Variants in ADGRE1 observed in about 807,000 individuals in gnomAD.
ADGRE1 encodes the protein adhesion G protein-coupled receptor E1.
In ADGRE1, 82 loss-of-function variants were observed where a neutral mutation model predicts 102.7. That is an observed-to-expected ratio of 0.80 (90% confidence interval 0.67 to 0.96). The LOEUF (loss-of-function observed/expected upper bound fraction) is 0.96, where lower values mean the gene tolerates loss of function less well. ADGRE1 is among the 40% of genes least tolerant of loss of function. The probability of loss-of-function intolerance (pLI) is 0.00; values close to 1 mark genes in which losing one functional copy is unlikely to be tolerated. For missense variants in ADGRE1, 1,032 were observed against 1,085.3 expected (o/e 0.95, Z 0.69); for synonymous variants, 398 against 399.6 (o/e 1.00, Z 0.05).
Position 6,924,691 on chromosome 19 carries a change from T to G in ADGRE1, c.1805T>G (p.Leu602Trp). 1.2e-6 allele frequency: 2 copies of G among 1,613,976 alleles called. No homozygotes were observed. Among genetic ancestry groups the G allele is most frequent in the Non-Finnish European group, 1.7e-6 (2 of 1,179,898 alleles). The change falls in exon 15 of 21, where the codon TTG (leucine) becomes TGG (tryptophan). Residue 602 changes from leucine to tryptophan, a missense_variant. Leu to Trp is a moderately conservative substitution (Grantham distance 61). Coordinates refer to ENST00000312053, the MANE Select transcript of ADGRE1 (RefSeq NM_001974.5). ...CCTTCCTGACAGATGGACTTTTCCT[T>G]GTACATCATTAGCCATGTAGGCATT... ...ASGELTMDFS[L>W]YIISHVGIII... is the part of the protein sequence containing the mutation.
At position 6,924,757 on chromosome 19, in the gene ADGRE1, T is replaced by C; in HGVS notation, c.1871T>C (p.Phe624Ser). The change falls in exon 15 of 21, where the codon TTT becomes TCT. Residue 624 changes from phenylalanine to serine, a missense_variant. By Grantham distance (155) the Phe-to-Ser change is radical. Coordinates refer to ENST00000312053, the MANE Select transcript of ADGRE1 (RefSeq NM_001974.5). ...TGCCTCGTCTTGGCCATCGCCACCTTTCTGCTGTGTCGCTCCATCCGAAAT... is the reference window on the plus strand; with the variant it reads ...TGCCTCGTCTTGGCCATCGCCACCTCTCTGCTGTGTCGCTCCATCCGAAAT... ...LVCLVLAIAT[F>S]LLCRSIRNHN... The C allele has an allele frequency of 6.2e-7, 1 of 1,614,200 alleles. No individual in the cohort carries two copies. Among genetic ancestry groups the C allele is most frequent in the Admixed American group, 1.7e-5 (1 of 60,020 alleles).
intron 2 of ADGRE1, among the ~76,000 whole-genome samples, chr19:6,893,794 AACTT>A (rs1427639178): frequency 6.6e-6 from 1 of 152,250 alleles, no homozygotes; most frequent in East Asian, 1.9e-4. Context: ...AAACAAAAAA[AACTT>A]ACCTATCATT....
chr19:6,908,915 C>T (rs1295440630), intron 10 of ADGRE1, 143 bp downstream of exon 10: 1 of 708,260 alleles, frequency 1.4e-6, no homozygotes, highest in African/African-American at 1.8e-5. Context: ...AGATGAATCA[C>T]TTGAGGTCAG....
At position 6,937,381 on chromosome 19, in the gene ADGRE1, C is replaced by A. The variant is rs1975459902; in HGVS notation, c.2520C>A (p.Ile840=). The A allele has an allele frequency of 3.1e-6, 5 of 1,613,948 alleles. No homozygotes were observed. The highest frequency in any genetic ancestry group is 4.2e-6 in the Non-Finnish European group (5 of 1,179,988). Residue 840 remains isoleucine (I), a synonymous_variant, in exon 19 of 21, where the codon ATC becomes ATA. Coordinates refer to ENST00000312053, the MANE Select transcript of ADGRE1 (RefSeq NM_001974.5). ...TCAACAGCCTGCAGGGGGCCTTCAT[C>A]TTCCTCATCCACTGTCTGCTCAACG... ...TIINSLQGAF[I]FLIHCLLNGQ...
In ADGRE1 at chr19:6,919,766, A is replaced by G; in HGVS notation, c.1620+19A>G. The stretch of plus-strand genomic sequence containing the variant: ...CATTCAGGTTTGTGAAGAGGTCTCT[A>G]CTGAGATTCTTGTCTACCTGTTGGG... On this transcript the variant is annotated intron_variant, in intron 13 of 20. Coordinates refer to ENST00000312053, the MANE Select transcript of ADGRE1 (RefSeq NM_001974.5). The G allele has an allele frequency of 2.5e-6, 4 of 1,608,992 alleles. No individual in the cohort carries two copies. Among genetic ancestry groups the G allele is most frequent in the Non-Finnish European group, 3.4e-6 (4 of 1,175,728 alleles).
At chr19:6,931,364 T>G (rs1433143455) in intron 17 of ADGRE1, among the ~76,000 whole-genome samples, 1 of 152,146 alleles carries the variant, frequency 6.6e-6, no homozygotes, top group Non-Finnish European at 1.5e-5. Context: ...GCATGCTGGG[T>G]GGCTTAGAAC....
intron 2 of ADGRE1, among the ~76,000 whole-genome samples, chr19:6,894,604 G>T (rs1349695214): frequency 6.6e-6 from 1 of 152,184 alleles, no homozygotes; most frequent in African/African-American, 2.4e-5. Flanking sequence ...ATGTGGTTGG[G>T]TCTGGTCACT....
At chr19:6,902,584 G>A (rs373187999) in intron 6 of ADGRE1, among the ~76,000 whole-genome samples, 358 of 152,030 alleles carry the variant, frequency 2.4e-3, no homozygotes, top group African/African-American at 7.7e-3. Flanking sequence ...GGGATTACAG[G>A]CATGTGGCAC....
chr19:6,933,704 GT>G (rs1975262242), intron 17 of ADGRE1, among the ~76,000 whole-genome samples: 2 of 152,108 alleles, frequency 1.3e-5, no homozygotes, highest in South Asian at 4.1e-4. Context: ...ATTTTTGGTT[GT>G]TACAACTAGA....
Position 6,934,991 on chromosome 19 carries a change from A to G in ADGRE1, c.2294A>G (p.Asn765Ser), listed in dbSNP as rs917963527. 6 of 1,575,550 alleles carry G rather than the reference A, an allele frequency of 3.8e-6. No homozygotes were observed. The highest frequency in any genetic ancestry group is 4.3e-6 in the Non-Finnish European group (5 of 1,160,380). ...TCCTTCTGCTTGACTTTGCAGATCAACTCCCTTCTCCTGACCTGGACCTTG... is the reference window on the plus strand; with the variant it reads ...TCCTTCTGCTTGACTTTGCAGATCAGCTCCCTTCTCCTGACCTGGACCTTG... ...LGPVCTVIVI[N>S]SLLLTWTLWI... Residue 765 changes from asparagine (N) to serine (S), a missense_variant, in exon 18 of 21, where the codon AAC becomes AGC. Transcript: ENST00000312053.
intron 18 of ADGRE1, 45 bp from the exon 19 acceptor site, chr19:6,937,198 A>G (rs1197834890): frequency 1.3e-6 from 2 of 1,577,336 alleles, no homozygotes; most frequent in Non-Finnish European, 1.7e-6. Context: ...TGCAAGGACA[A>G]TAGCCACCTC....
rs372134644 is a variant in ADGRE1, at chr19:6,928,422, T to A, written c.2289+211T>A. ...GGGTGGATCACCTGAGGTCAGGAGT[T>A]CGAGAACAGTCTGGCCAACTTGGCG... On this transcript the variant is annotated intron_variant, in intron 17 of 20. Coordinates refer to ENST00000312053, the MANE Select transcript of ADGRE1 (RefSeq NM_001974.5). The A allele has an allele frequency of 3.2e-6, 4 of 1,236,044 alleles. No homozygotes were observed. In the African/African-American group the frequency reaches 6.1e-5, roughly 19 times the overall value. 76.6% of individuals were successfully genotyped at this position (1,236,044 alleles called of 1,614,324 possible). A position where few individuals can be genotyped will look rare whatever the true frequency, so the allele number is the denominator to read the frequency against.
intron 5 of ADGRE1, among the ~76,000 whole-genome samples, chr19:6,901,030 C>A (rs953565172): frequency 4.6e-5 from 7 of 152,206 alleles, no homozygotes; most frequent in African/African-American, 1.7e-4. Flanking sequence ...GTGTGAGCCT[C>A]ATCCCCATGG....
At chr19:6,893,674 G>A (rs1248973042) in intron 2 of ADGRE1, among the ~76,000 whole-genome samples, 2 of 152,292 alleles carry the variant, frequency 1.3e-5, no homozygotes, top group Admixed American at 1.3e-4. Context: ...GTGTCTTTGG[G>A]TAAGTCACTC....
intron 18 of ADGRE1, among the ~76,000 whole-genome samples, chr19:6,936,235 GA>G (rs1975395155): frequency 6.6e-6 from 1 of 152,096 alleles, no homozygotes; most frequent in Non-Finnish European, 1.5e-5. Context: ...AGGAGATCGA[GA>G]TCATCCTGGC....
chr19:6,905,954 AT>A (rs1299957126), intron 8 of ADGRE1, among the ~76,000 whole-genome samples: 1 of 152,176 alleles, frequency 6.6e-6, no homozygotes, highest in Non-Finnish European at 1.5e-5. Flanking sequence ...ACTTAAAAAA[AT>A]ATTTTCCCAT....
chr19:6,914,746 T>C (rs1226589015), intron 11 of ADGRE1, among the ~76,000 whole-genome samples: 3 of 152,132 alleles, frequency 2.0e-5, no homozygotes, highest in East Asian at 1.9e-4. Context: ...TGAGAAAAAG[T>C]ACAGCAGGCT....
At position 6,904,176 on chromosome 19, in the gene ADGRE1, T is replaced by A; in HGVS notation, c.943T>A (p.Cys315Ser). ...EGSQKDGNFS[C>S]QRVLFKCKED... The stretch of plus-strand genomic sequence containing the variant: ...CTCCCAGAAAGATGGCAACTTCAGC[T>A]GCCAAAGTAATAATCTCTTTGTATG... The change falls in exon 8 of 21, where the codon TGC becomes AGC. Residue 315 changes from cysteine to serine, a missense_variant. Transcript: ENST00000312053. The A allele has an allele frequency of 6.2e-7, 1 of 1,613,930 alleles. No individual in the cohort carries two copies. Among genetic ancestry groups the A allele is most frequent in the Middle Eastern group, 1.7e-4 (1 of 6,060 alleles).
intron 9 of ADGRE1, among the ~76,000 whole-genome samples, chr19:6,908,445 A>G (rs452907): frequency 0.37 from 56,268 of 151,988 alleles, 12,234 homozygotes; most frequent in African/African-American, 0.6. Context: ...AGCTGGTTTC[A>G]GCAATCACTA....
Sources: gnomAD v4.1 joint callset for allele counts (sites outside exome capture counted in the v4.1 genomes callset) on GRCh38, gnomAD v4.1.1 for gene constraint, MANE v1.5 for transcripts, NCBI Gene and HGNC (gene_info 2026-07-23, HGNC 2026-07-21) for gene names.